UBE2D3: variants seen among roughly 807,000 people sequenced by gnomAD.
UBE2D3 encodes the protein ubiquitin conjugating enzyme E2 D3, also known as ubiquitin-conjugating enzyme E2 D3.
A neutral mutation model predicts 22.8 loss-of-function variants in UBE2D3; 2 were observed. The ratio of observed to expected loss-of-function variants is 0.09; its 90% CI spans 0.04 to 0.28. The LOEUF (loss-of-function observed/expected upper bound fraction) is 0.28. UBE2D3 is among the 10% of genes least tolerant of loss of function. UBE2D3 has a pLI of 1.00. For missense variants in UBE2D3, 27 were observed against 182.5 expected, an observed-to-expected ratio of 0.15 and a Z score of 4.91; for synonymous variants, 56 against 60.4, an observed-to-expected ratio of 0.93 and a Z score of 0.34.
At chr4:102,859,917 C>T (rs1578300049) in intron 1 of UBE2D3, among the ~76,000 whole-genome samples, 1 of 151,494 alleles carries the variant, frequency 6.6e-6, no homozygotes, top group Non-Finnish European at 1.5e-5. Flanking sequence ...GTGATCTCAG[C>T]TCACTGCAAG....
intron 4 of UBE2D3, among the ~76,000 whole-genome samples, chr4:102,804,684 T>G (rs1726754253): frequency 6.7e-6 from 1 of 150,226 alleles, no homozygotes; most frequent in African/African-American, 2.5e-5. Context: ...GTTGTTTTTG[T>G]TTTTTTTGAG....
At chr4:102,825,125 A>T (rs2110331213) in intron 2 of UBE2D3, 2 of 482,062 alleles carry the variant, frequency 4.1e-6, no homozygotes, top group South Asian at 8.8e-5. Flanking sequence ...AGTCATAATT[A>T]AATACAGGCA....
chr4:102,821,439 T>A (rs1270463095), intron 2 of UBE2D3, among the ~76,000 whole-genome samples: 1 of 152,168 alleles, frequency 6.6e-6, no homozygotes, highest in Non-Finnish European at 1.5e-5. Flanking sequence ...ATCTTCCTCA[T>A]TTATTCCCTG....
Position 102,826,626 on chromosome 4 carries a change from G to C in UBE2D3, c.-118C>G, listed in dbSNP as rs761987527. ...GTCTCGTCTCACACCAGCTCTGCCA[G>C]ACACAGGCGCCTTTTGCAAAAACGG... On this transcript the variant is annotated 5_prime_UTR_variant, in exon 2 of 8. Coordinates refer to ENST00000453744, the MANE Select transcript of UBE2D3 (RefSeq NM_181891.3). 4 of 1,581,740 alleles carry C rather than the reference G, an allele frequency of 2.5e-6. No individual in the cohort carries two copies. Among genetic ancestry groups the C allele is most frequent in the Admixed American group, 3.7e-5 (2 of 54,352 alleles).
chr4:102,836,445 C>A (rs544956617), intron 1 of UBE2D3, among the ~76,000 whole-genome samples: 1 of 152,154 alleles, frequency 6.6e-6, no homozygotes, highest in Non-Finnish European at 1.5e-5. Context: ...CTCCGCCTAG[C>A]CTCTTCCAAT....
At chr4:102,828,290 CG>C, upstream of UBE2D3, 2 of 984,600 alleles carry the variant, frequency 2.0e-6, no homozygotes, top group Non-Finnish European at 2.4e-6. Flanking sequence ...TAGCTCGGGC[CG>C]GGATTTTGAG....
At chr4:102,819,941 T>C (rs1729336454) in intron 2 of UBE2D3, among the ~76,000 whole-genome samples, 1 of 152,234 alleles carries the variant, frequency 6.6e-6, no homozygotes, top group Non-Finnish European at 1.5e-5. Flanking sequence ...AAGATTTGTA[T>C]GACTGTGAAT....
At chr4:102,848,485 A>G (rs1732161270) in intron 1 of UBE2D3, among the ~76,000 whole-genome samples, 1 of 152,072 alleles carries the variant, frequency 6.6e-6, no homozygotes, top group Non-Finnish European at 1.5e-5. Context: ...TCTCTACTAA[A>G]AATACAAAAA....
At chr4:102,847,838 G>A (rs953926583) in intron 1 of UBE2D3, among the ~76,000 whole-genome samples, 1 of 152,052 alleles carries the variant, frequency 6.6e-6, no homozygotes, top group South Asian at 2.1e-4. Flanking sequence ...TAGAGATGGG[G>A]TCTTGCAGTG....
chr4:102,800,607 A>G (rs1265608088), intron 6 of UBE2D3, among the ~76,000 whole-genome samples: 1 of 152,064 alleles, frequency 6.6e-6, no homozygotes, highest in East Asian at 1.9e-4. Flanking sequence ...AACAGGTGTA[A>G]AATTTTAAAA....
At chr4:102,798,984 G>A (rs761064938) in intron 7 of UBE2D3, 15 of 1,608,692 alleles carry the variant, frequency 9.3e-6, no homozygotes, top group Admixed American at 1.7e-5. Flanking sequence ...GTACCTAATT[G>A]AACAAGTACA....
intron 1 of UBE2D3, among the ~76,000 whole-genome samples, chr4:102,863,011 G>A (rs1181139891): frequency 6.6e-6 from 1 of 152,038 alleles, no homozygotes; most frequent in Non-Finnish European, 1.5e-5. Context: ...GGCCAGAAGT[G>A]AGGGGTATGG....
At chr4:102,810,823 CA>C (rs1247901931) in intron 2 of UBE2D3, 1 of 151,384 alleles carries the variant, frequency 6.6e-6, no homozygotes, top group African/African-American at 2.4e-5. Context: ...TCCATCTTAC[CA>C]ATGATATAAC....
In UBE2D3 at chr4:102,797,337, A is replaced by G. The variant is rs1399733988; in HGVS notation, c.*78T>C. The G allele has an allele frequency of 2.2e-5, 29 of 1,297,202 alleles. No individual in the cohort carries two copies. The highest frequency in any genetic ancestry group is 3.0e-5 in the African/African-American group (2 of 66,630). 80.4% of individuals were successfully genotyped at this position (1,297,202 alleles called of 1,614,324 possible). On this transcript the variant is annotated 3_prime_UTR_variant, in exon 8 of 8. Coordinates refer to ENST00000453744, the MANE Select transcript of UBE2D3 (RefSeq NM_181891.3). ...TGAGGTCTGATAGGGGAGCAGCCGGATAAGAAAATCAAAAAAGGAACAGTA... is the reference window on the plus strand; with the variant it reads ...TGAGGTCTGATAGGGGAGCAGCCGGGTAAGAAAATCAAAAAAGGAACAGTA...
At chr4:102,867,111 T>C (rs920100945) in intron 1 of UBE2D3, among the ~76,000 whole-genome samples, 2 of 152,254 alleles carry the variant, frequency 1.3e-5, no homozygotes, top group African/African-American at 2.4e-5. Flanking sequence ...AGAATTTCCA[T>C]TGTAAGTTTT....
At chr4:102,805,156 A>C (rs1726831083) in intron 4 of UBE2D3, among the ~76,000 whole-genome samples, 1 of 152,236 alleles carries the variant, frequency 6.6e-6, no homozygotes, top group African/African-American at 2.4e-5. Context: ...AACTTTATAA[A>C]GAAGGCAAAA....
chr4:102,806,985 T>C (rs1226718898), intron 4 of UBE2D3, among the ~76,000 whole-genome samples: 2 of 152,076 alleles, frequency 1.3e-5, no homozygotes, highest in East Asian at 1.9e-4. Context: ...AGCCAAGCAA[T>C]TTTGCTGCAT....
upstream of UBE2D3, among the ~76,000 whole-genome samples, chr4:102,830,170 C>G (rs1322126631): frequency 6.6e-6 from 1 of 152,194 alleles, no homozygotes; most frequent in African/African-American, 2.4e-5. Flanking sequence ...TAGGATAAAG[C>G]AGGCTAAGAT....
At chr4:102,836,842 C>T (rs1362471986) in intron 1 of UBE2D3, among the ~76,000 whole-genome samples, 2 of 152,080 alleles carry the variant, frequency 1.3e-5, no homozygotes, top group East Asian at 3.8e-4. Context: ...TGTATTTTTC[C>T]CCATTGTTCA....
Sources: gnomAD v4.1 joint callset for allele counts (sites outside exome capture counted in the v4.1 genomes callset) on GRCh38, gnomAD v4.1.1 for gene constraint, MANE v1.5 for transcripts, NCBI Gene and HGNC (gene_info 2026-07-23, HGNC 2026-07-21) for gene names.